Variants in EYS observed in about 807,000 individuals in gnomAD.
EYS encodes EGF-like photoreceptor maintenance factor.
Under a neutral mutation model 282.1 loss-of-function variants are expected in EYS, and 250 were observed. The observed-to-expected ratio is 0.89, with a 90% CI of 0.80 to 0.98. The LOEUF (loss-of-function observed/expected upper bound fraction) is 0.98, where lower values mean the gene tolerates loss of function less well. EYS is among the 50% of genes least tolerant of loss of function. The pLI is 0.00. For synonymous variants in EYS, 1,355 were observed against 1,282.9 expected, an observed-to-expected ratio of 1.06 and a Z score of -1.20; for missense variants, 4,016 against 3,709.0, an observed-to-expected ratio of 1.08 and a Z score of -2.15.
At chr6:64,455,066 T>C (rs1775508690) in intron 26 of EYS, among the ~76,000 whole-genome samples, 2 of 152,128 alleles carry the variant, frequency 1.3e-5, no homozygotes, top group Non-Finnish European at 2.9e-5. Flanking sequence ...CGAACTCTTC[T>C]ACTTCTATTT....
chr6:64,507,864 T>TAA (rs1407766971), intron 26 of EYS, among the ~76,000 whole-genome samples: 1 of 152,172 alleles, frequency 6.6e-6, no homozygotes, highest in Non-Finnish European at 1.5e-5. Flanking sequence ...GACAAGCTAA[T>TAA]ACCACAGATA....
chr6:64,810,896 TAAC>T (rs1353065924), intron 22 of EYS, among the ~76,000 whole-genome samples: 2 of 152,002 alleles, frequency 1.3e-5, no homozygotes, highest in Non-Finnish European at 2.9e-5. Flanking sequence ...ATAAAGATAA[TAAC>T]AACAAAATAT....
rs555490903 is a variant in EYS, at chr6:64,600,713, G to A, written c.3685-7404C>T. On this transcript the variant is annotated intron_variant, in intron 24 of 42. Transcript: ENST00000503581. The stretch of plus-strand genomic sequence containing the variant: ...ATGTTACATTTTCCACTGAATGGCC[G>A]GGGCTAATATGATGGCTGGCACATA... Among the ~76,000 whole-genome samples the A allele has an allele frequency of 1.4e-4, 22 of 152,136 alleles. No individual in the cohort carries two copies. The South Asian group carries it at 3.5e-3, about 24-fold the overall frequency.
chr6:64,991,171 T>C (rs1287854297), intron 14 of EYS, among the ~76,000 whole-genome samples: 1 of 151,564 alleles, frequency 6.6e-6, no homozygotes, highest in Admixed American at 6.6e-5. Context: ...TTAACCATAG[T>C]TATAAATGTA....
intron 31 of EYS, among the ~76,000 whole-genome samples, chr6:64,156,447 A>AT (rs1254977076): frequency 6.6e-6 from 1 of 152,138 alleles, no homozygotes; most frequent in African/African-American, 2.4e-5. Context: ...AATACAGTAA[A>AT]TTGGTACTAG....
At chr6:65,356,733 G>T (rs1386591496) in intron 8 of EYS, among the ~76,000 whole-genome samples, 1 of 151,940 alleles carries the variant, frequency 6.6e-6, no homozygotes, top group Non-Finnish European at 1.5e-5. Context: ...TAAAATTATT[G>T]CAACACCAGT....
At chr6:65,058,644 ACT>A (rs1773484925) in intron 12 of EYS, among the ~76,000 whole-genome samples, 1 of 150,832 alleles carries the variant, frequency 6.6e-6, no homozygotes, top group African/African-American at 2.4e-5. Context: ...ATGTCCATTA[ACT>A]ATATAGTCTT....
intron 22 of EYS, among the ~76,000 whole-genome samples, chr6:64,770,532 T>C (rs1284315199): frequency 6.6e-6 from 1 of 151,932 alleles, no homozygotes; most frequent in Non-Finnish European, 1.5e-5. Flanking sequence ...ATAGAAATTG[T>C]AGACATATTG....
At chr6:65,639,388 C>T (rs1767202728) in intron 2 of EYS, among the ~76,000 whole-genome samples, 1 of 151,846 alleles carries the variant, frequency 6.6e-6, no homozygotes, top group Admixed American at 6.6e-5. Flanking sequence ...ATATGTTTAT[C>T]CATTAACTCA....
At chr6:65,145,727 C>T (rs1196675433) in intron 12 of EYS, among the ~76,000 whole-genome samples, 1 of 151,972 alleles carries the variant, frequency 6.6e-6, no homozygotes, top group African/African-American at 2.4e-5. Context: ...CTAAGATATT[C>T]ATCATTGCTT....
intron 19 of EYS, among the ~76,000 whole-genome samples, chr6:64,835,673 G>C (rs1019525755): frequency 6.6e-6 from 1 of 151,568 alleles, no homozygotes; most frequent in Non-Finnish European, 1.5e-5. Context: ...TGAAGATCAG[G>C]CTGTTGTAAA....
chr6:64,090,237 C>T (rs531951167), intron 31 of EYS, among the ~76,000 whole-genome samples: 1 of 152,228 alleles, frequency 6.6e-6, no homozygotes, highest in South Asian at 2.1e-4. Context: ...TTTAGAAATT[C>T]TCCCTGAGTG....
At chr6:64,429,202 G>A (rs946166050) in intron 28 of EYS, among the ~76,000 whole-genome samples, 2 of 152,134 alleles carry the variant, frequency 1.3e-5, no homozygotes, top group Non-Finnish European at 2.9e-5. Context: ...ATTAATTTCA[G>A]TAATTTTATA....
chr6:64,296,795 C>T lies in EYS; in HGVS notation c.6191+10175G>A, dbSNP rs188343339. On this transcript the variant is annotated intron_variant, in intron 30 of 42. Transcript: ENST00000503581. The stretch of plus-strand genomic sequence containing the variant: ...CTAACTTTTGTATTTTTAGTAGAGA[C>T]GGGGTTTCACCACATTGGCCAGACT... 3.5e-3 allele frequency among the ~76,000 whole-genome samples: 538 copies of T among 151,700 alleles called. 4 individuals carry two copies. Among genetic ancestry groups the T allele is most frequent in the African/African-American group, 0.012 (476 of 41,302 alleles).
rs1765056205 is a variant in EYS at position 65,169,585 on chromosome 6, A to G, written c.2024-111858T>C. On this transcript the variant is annotated intron_variant, in intron 12 of 42. Transcript: ENST00000503581. ...CAACACATGCTTTTTCAATTATGGT[A>G]CTTTTTACAAGAGTTAAAACAATTA... Among the ~76,000 whole-genome samples the G allele has an allele frequency of 2.6e-5, 4 of 151,462 alleles. No individual in the cohort carries two copies. In the Admixed American group the frequency reaches 2.6e-4, roughly 10 times the overall value.
chr6:65,395,111 C>T lies in EYS; in HGVS notation c.1184+7367G>A, dbSNP rs142371772. Among the ~76,000 whole-genome samples, 119 of 152,284 alleles carry T rather than the reference C, an allele frequency of 7.8e-4. 2 individuals carry two copies. The East Asian group carries it at 0.021, about 27-fold the overall frequency. ...AGAGTTTCGCTCTTGTGGCCCAGGC[C>T]GGAGTGCAATGGCGCGATCTTAGCT... On this transcript the variant is annotated intron_variant, in intron 7 of 42. Coordinates refer to ENST00000503581, the MANE Select transcript of EYS (RefSeq NM_001142800.2).
At chr6:65,379,287 C>T (rs567356384) in intron 8 of EYS, among the ~76,000 whole-genome samples, 63 of 152,138 alleles carry the variant, frequency 4.1e-4, no homozygotes, top group African/African-American at 1.5e-3. Flanking sequence ...TTGGCTTTAT[C>T]CATGGGATGC....
At chr6:65,529,288 T>G (rs1767678787) in intron 2 of EYS, among the ~76,000 whole-genome samples, 1 of 152,166 alleles carries the variant, frequency 6.6e-6, no homozygotes, top group Admixed American at 6.5e-5. Flanking sequence ...TCCTCATAAT[T>G]CTGTGTAAGT....
At chr6:64,529,336 C>A (rs1300609345) in intron 26 of EYS, among the ~76,000 whole-genome samples, 1 of 151,986 alleles carries the variant, frequency 6.6e-6, no homozygotes, top group East Asian at 1.9e-4. Flanking sequence ...TTATGATATA[C>A]CAATTCATAC....
Sources: allele counts gnomAD v4.1 joint callset (sites outside exome capture counted in the v4.1 genomes callset), GRCh38; gene constraint gnomAD v4.1.1; transcripts MANE v1.5; gene names NCBI Gene and HGNC (gene_info 2026-07-23, HGNC 2026-07-21).